Variants in DEFB115 observed in about 807,000 individuals in gnomAD.
DEFB115 encodes the protein defensin beta 115, also known as beta-defensin 115.
DEFB115 carries 7 observed loss-of-function variants against 8.8 expected under a neutral mutation model. The observed-to-expected ratio is 0.79, with a 90% CI of 0.45 to 1.49. The LOEUF (loss-of-function observed/expected upper bound fraction) is 1.49, where lower values mean the gene tolerates loss of function less well. Ranked by LOEUF, DEFB115 falls within the 40% of genes most tolerant of loss-of-function variation. DEFB115 has a pLI of 0.01. For missense variants in DEFB115, 143 were observed against 99.4 expected, an observed-to-expected ratio of 1.44 and a Z score of -1.86; for synonymous variants, 62 against 37.6, an observed-to-expected ratio of 1.65 and a Z score of -2.37.
intron 1 of DEFB115, among the ~76,000 whole-genome samples, chr20:31,259,045 G>C (rs1458807965): frequency 7.9e-5 from 12 of 152,020 alleles, no homozygotes; most frequent in Non-Finnish European, 1.8e-4. Flanking sequence ...ACAACCCCTG[G>C]GGCAAGCACC....
chr20:31,257,849 G>A (rs1439778641), intron 1 of DEFB115, 92 bp downstream of exon 1: 8 of 1,152,666 alleles, frequency 6.9e-6, no homozygotes, highest in Admixed American at 1.8e-5. Flanking sequence ...TAGAAGCAAG[G>A]AGAGCCCACA....
At position 31,257,780 on chromosome 20, in the gene DEFB115, G is replaced by T. The variant is rs576821282; in HGVS notation, c.94+23G>T. The T allele has an allele frequency of 3.8e-6, 6 of 1,592,246 alleles. No individual in the cohort carries two copies. The Admixed American group carries it at 1.0e-4, about 27-fold the overall frequency. On this transcript the variant is annotated intron_variant, in intron 1 of 1. Transcript: ENST00000400552. ...CAGGTAAACAGAACCATGGAGAGAAGGGAAAAGGGAGTAAGGATGGGGTCC... is the reference window on the plus strand; with the variant it reads ...CAGGTAAACAGAACCATGGAGAGAATGGAAAAGGGAGTAAGGATGGGGTCC...
chr20:31,258,787 G>A (rs1333713873), intron 1 of DEFB115, among the ~76,000 whole-genome samples: 1 of 152,058 alleles, frequency 6.6e-6, no homozygotes, highest in Non-Finnish European at 1.5e-5. Flanking sequence ...AAGAGTTTGG[G>A]GAAAAGACAA....
chr20:31,257,705 A>G lies in DEFB115; in HGVS notation c.42A>G (p.Lys14=), dbSNP rs775870724. The stretch of plus-strand genomic sequence containing the variant: ...TCTCACCCCTCTCAGGAGACATTAA[A>G]CTCTCTGTCCTGGCCTTAGTTGTCC... ...DHFSPLSGDI[K]LSVLALVVLV... Residue 14 remains lysine (K), a synonymous_variant, in exon 1 of 2, where the codon AAA becomes AAG. Coordinates refer to ENST00000400552, the MANE Select transcript of DEFB115 (RefSeq NM_001037730.1). The G allele has an allele frequency of 2.4e-5, 39 of 1,613,086 alleles. No individual in the cohort carries two copies. The highest frequency in any genetic ancestry group is 1.3e-4 in the South Asian group (12 of 90,990).
At chr20:31,258,538 G>T (rs1050533526) in intron 1 of DEFB115, among the ~76,000 whole-genome samples, 4 of 152,188 alleles carry the variant, frequency 2.6e-5, no homozygotes, top group Non-Finnish European at 5.9e-5. Flanking sequence ...TCACTCAGTT[G>T]TTCTAGAAGC....
chr20:31,257,811 A>G (rs1163670292), intron 1 of DEFB115, 54 bp downstream of exon 1: 21 of 1,481,602 alleles, frequency 1.4e-5, no homozygotes, highest in Non-Finnish European at 2.0e-5. Context: ...GGTCCTAACC[A>G]CAGAATCACT....
chr20:31,257,692 C>T lies in DEFB115; in HGVS notation c.29C>T (p.Ser10Leu). 2 of 1,614,056 alleles carry T rather than the reference C, an allele frequency of 1.2e-6. No individual in the cohort carries two copies. Among genetic ancestry groups the T allele is most frequent in the Non-Finnish European group, 1.7e-6 (2 of 1,179,940 alleles). Residue 10 changes from serine (S) to leucine (L), a missense_variant, in exon 1 of 2, where the codon TCA (serine) becomes TTA (leucine). Coordinates refer to ENST00000400552, the MANE Select transcript of DEFB115 (RefSeq NM_001037730.1). MLPDHFSPL[S>L]GDIKLSVLAL... ...CTGCCAGATCATTTCTCACCCCTCT[C>T]AGGAGACATTAAACTCTCTGTCCTG...
At position 31,257,738 on chromosome 20, in the gene DEFB115, C is replaced by G. The variant is rs765265482; in HGVS notation, c.75C>G (p.Val25=). 2 of 1,613,834 alleles carry G rather than the reference C, an allele frequency of 1.2e-6. No homozygotes were observed. The highest frequency in any genetic ancestry group is 2.2e-5 in the South Asian group (2 of 91,070). The change falls in exon 1 of 2, where the codon GTC becomes GTG. Residue 25 remains valine (V), a synonymous_variant. Coordinates refer to ENST00000400552, the MANE Select transcript of DEFB115 (RefSeq NM_001037730.1). The part of the protein sequence containing the change: ...LSVLALVVLV[V]LAQTAPDGWI... ...TCCTGGCCTTAGTTGTCCTTGTGGT[C>G]CTGGCTCAGACTGCCCCAGGTAAAC... is the stretch of plus-strand genomic sequence containing the variant.
intron 1 of DEFB115, among the ~76,000 whole-genome samples, chr20:31,258,247 G>T (rs1449852764): frequency 6.6e-6 from 1 of 152,194 alleles, no homozygotes; most frequent in Non-Finnish European, 1.5e-5. Context: ...GTAAGTTGAT[G>T]TTTGATATCT....
rs748147443 is a variant in DEFB115, at chr20:31,259,621, C to A, written c.256C>A (p.Leu86Ile). The A allele has an allele frequency of 3.8e-6, 6 of 1,594,936 alleles. No individual in the cohort carries two copies. Among genetic ancestry groups the A allele is most frequent in the African/African-American group, 1.4e-5 (1 of 73,590 alleles). Reference protein sequence around the residue: ...HIHDQKETSELYI With the variant: ...HIHDQKETSEIYI Reference sequence around the variant, plus strand: ...TCACGACCAAAAAGAGACAAGTGAGCTATATATCTAGTTGCGACTCCTAAT... The same window carrying A: ...TCACGACCAAAAAGAGACAAGTGAGATATATATCTAGTTGCGACTCCTAAT... Residue 86 changes from leucine to isoleucine, a missense_variant, in exon 2 of 2, where the codon CTA becomes ATA. Leu to Ile is a conservative substitution (Grantham distance 5). Coordinates refer to ENST00000400552, the MANE Select transcript of DEFB115 (RefSeq NM_001037730.1).
chr20:31,259,500 C>T lies in DEFB115; in HGVS notation c.135C>T (p.Cys45=), dbSNP rs752745222. ...IRRCYYGTGR[C]RKSCKEIERK... ...GGTGCTATTATGGAACTGGCAGATGCAGGAAATCATGCAAAGAAATTGAGA... is the reference window on the plus strand; with the variant it reads ...GGTGCTATTATGGAACTGGCAGATGTAGGAAATCATGCAAAGAAATTGAGA... The change falls in exon 2 of 2, where the codon TGC becomes TGT. Residue 45 remains cysteine (C), a synonymous_variant. Transcript: ENST00000400552. 46 of 1,612,420 alleles carry T rather than the reference C, an allele frequency of 2.9e-5. No individual in the cohort carries two copies. Among genetic ancestry groups the T allele is most frequent in the Non-Finnish European group, 3.9e-5 (46 of 1,179,290 alleles).
intron 1 of DEFB115, among the ~76,000 whole-genome samples, chr20:31,258,586 G>A (rs1233782109): frequency 2.6e-5 from 4 of 152,174 alleles, no homozygotes; most frequent in Non-Finnish European, 4.4e-5. Flanking sequence ...GAGTTGGCTT[G>A]AGCATGCCTT....
At chr20:31,257,778 A>G (rs1457782463) in intron 1 of DEFB115, 21 bp downstream of exon 1, 1 of 1,591,508 alleles carries the variant, frequency 6.3e-7, no homozygotes, top group Non-Finnish European at 8.6e-7. Context: ...CCATGGAGAG[A>G]AGGGAAAAGG....
rs1472484026 is a variant in DEFB115, at chr20:31,259,581, T to A, written c.216T>A (p.Asp72Glu). The A allele has an allele frequency of 1.2e-6, 2 of 1,612,056 alleles. No homozygotes were observed. The highest frequency in any genetic ancestry group is 8.5e-7 in the Non-Finnish European group (1 of 1,179,290). ...TTTGCTGTGTCCCTAAAGAAAAGGATAAACTATCACACATTCACGACCAAA... is the reference window on the plus strand; with the variant it reads ...TTTGCTGTGTCCCTAAAGAAAAGGAAAAACTATCACACATTCACGACCAAA... ...KHICCVPKEKDKLSHIHDQKE... is the reference protein window; with the variant it reads ...KHICCVPKEKEKLSHIHDQKE... The change falls in exon 2 of 2, where the codon GAT (aspartate) becomes GAA (glutamate). Residue 72 changes from aspartate to glutamate, a missense_variant. Coordinates refer to ENST00000400552, the MANE Select transcript of DEFB115 (RefSeq NM_001037730.1).
At chr20:31,258,855 T>C (rs1983824294) in intron 1 of DEFB115, among the ~76,000 whole-genome samples, 1 of 152,158 alleles carries the variant, frequency 6.6e-6, no homozygotes, top group Admixed American at 6.6e-5. Context: ...GAATCCAATG[T>C]GCTGAGAAAA....
chr20:31,258,782 T>C (rs1302411144), intron 1 of DEFB115, among the ~76,000 whole-genome samples: 1 of 151,578 alleles, frequency 6.6e-6, no homozygotes, highest in African/African-American at 2.4e-5. Flanking sequence ...AGAAGAAGAG[T>C]TTGGGGAAAA....
intron 1 of DEFB115, among the ~76,000 whole-genome samples, chr20:31,258,419 AG>A (rs1568691400): frequency 6.6e-6 from 1 of 152,118 alleles, no homozygotes; most frequent in Non-Finnish European, 1.5e-5. Context: ...TAGGCTTCCC[AG>A]GGGCTCTAAA....
At chr20:31,258,688 G>A (rs982400233) in intron 1 of DEFB115, among the ~76,000 whole-genome samples, 4 of 152,144 alleles carry the variant, frequency 2.6e-5, no homozygotes, top group Non-Finnish European at 5.9e-5. Context: ...TGAAATACTG[G>A]AAGAGAAAAG....
rs763019710 is a variant in DEFB115 at position 31,259,462 on chromosome 20, G to T, written c.97G>T (p.Gly33Ter). The change falls in exon 2 of 2, where the codon GGA becomes TGA. Residue 33 changes from glycine (G) to a stop codon, truncating the protein, a stop_gained and splice_region_variant. Coordinates refer to ENST00000400552, the MANE Select transcript of DEFB115 (RefSeq NM_001037730.1). LOFTEE classifies it high-confidence loss of function. Reference protein sequence around the residue: ...LVVLAQTAPDGWIRRCYYGTG... With the variant: ...LVVLAQTAPD ...CATGTGTTTGCTTATTTTGATAGAT[G>T]GATGGATCAGAAGGTGCTATTATGG... The T allele has an allele frequency of 1.3e-6, 2 of 1,591,878 alleles. No individual in the cohort carries two copies. Among genetic ancestry groups the T allele is most frequent in the East Asian group, 2.2e-5 (1 of 44,576 alleles).
Sources: gnomAD v4.1 joint callset for allele counts (sites outside exome capture counted in the v4.1 genomes callset) on GRCh38, gnomAD v4.1.1 for gene constraint, MANE v1.5 for transcripts, NCBI Gene and HGNC (gene_info 2026-07-23, HGNC 2026-07-21) for gene names.